Variants in ADI1 observed in about 807,000 individuals in gnomAD.
The protein encoded by ADI1 is acireductone dioxygenase.
ADI1 carries 21 observed loss-of-function variants against 18.7 expected under a neutral mutation model. The ratio of observed to expected loss-of-function variants is 1.13; its 90% CI spans 0.80 to 1.62. The LOEUF (loss-of-function observed/expected upper bound fraction) is 1.62, where lower values mean the gene tolerates loss of function less well. Among genes scored for constraint, ADI1 ranks in the 40% most tolerant of loss-of-function variants. The pLI is 0.00. For synonymous variants in ADI1, 90 were observed against 100.1 expected (o/e 0.90, Z 0.60); for missense variants, 245 against 254.9 (o/e 0.96, Z 0.26).
chr2:3,504,314 G>A (rs1380275874), intron 2 of ADI1, among the ~76,000 whole-genome samples: 2 of 152,326 alleles, frequency 1.3e-5, no homozygotes, highest in East Asian at 1.9e-4. Context: ...AGAATAAGCC[G>A]GTATCAGCAA....
chr2:3,500,670 ACT>A, intron 3 of ADI1, 142 bp downstream of exon 3: 1 of 1,105,348 alleles, frequency 9.0e-7, no homozygotes, highest in Non-Finnish European at 1.3e-6. Flanking sequence ...GGCTCCACAG[ACT>A]CTCCTTGAAG....
chr2:3,505,526 G>A (rs1231299248), intron 2 of ADI1, among the ~76,000 whole-genome samples: 1 of 152,162 alleles, frequency 6.6e-6, no homozygotes, highest in Non-Finnish European at 1.5e-5. Context: ...CTGTGCTTCT[G>A]GCAGAGGGAG....
chr2:3,499,195 A>C, intron 3 of ADI1, 113 bp from the exon 4 acceptor site: 1 of 1,418,886 alleles, frequency 7.0e-7, no homozygotes, highest in Non-Finnish European at 9.3e-7. Context: ...TTTACTTGCT[A>C]TTTTTATTCT....
chr2:3,511,114 T>C (rs1039897716), intron 2 of ADI1, among the ~76,000 whole-genome samples: 1 of 152,226 alleles, frequency 6.6e-6, no homozygotes, highest in African/African-American at 2.4e-5. Flanking sequence ...CTTGGTGCTG[T>C]CTTCACCACA....
intron 1 of ADI1, among the ~76,000 whole-genome samples, chr2:3,518,423 G>T (rs1667454468): frequency 6.6e-6 from 1 of 152,190 alleles, no homozygotes; most frequent in Admixed American, 6.5e-5. Flanking sequence ...CCTCTCTTTT[G>T]CAGTAAACCT....
At chr2:3,502,028 CA>C in intron 2 of ADI1, among the ~76,000 whole-genome samples, 1 of 103,020 alleles carries the variant, frequency 9.7e-6, no homozygotes, top group Non-Finnish European at 1.7e-5. Context: ...CACACACACA[CA>C]CACACACACA....
intron 1 of ADI1, chr2:3,514,984 G>A (rs1028363274): frequency 1.4e-5 from 18 of 1,246,032 alleles, no homozygotes; most frequent in South Asian, 6.4e-5. Context: ...ATCTTCGTAA[G>A]CTGAGGATGT....
intron 1 of ADI1, chr2:3,516,073 T>C (rs1428570905): frequency 1.0e-6 from 1 of 976,496 alleles, no homozygotes; most frequent in Non-Finnish European, 1.2e-6. Context: ...GTGTCATAAG[T>C]TTAAATATAC....
chr2:3,519,034 A>G (rs1176565477), intron 1 of ADI1, among the ~76,000 whole-genome samples: 1 of 149,606 alleles, frequency 6.7e-6, no homozygotes, highest in Admixed American at 6.6e-5. Flanking sequence ...AGGCGCCGGA[A>G]GCCGACCGCC....
chr2:3,512,555 AAGCCATG>A (rs1209379066), intron 2 of ADI1, among the ~76,000 whole-genome samples: 1 of 152,238 alleles, frequency 6.6e-6, no homozygotes, highest in Non-Finnish European at 1.5e-5. Context: ...CAGAGGGTGC[AAGCCATG>A]AGCCTTTGTG....
At chr2:3,509,867 G>A (rs1667258873) in intron 2 of ADI1, among the ~76,000 whole-genome samples, 1 of 151,786 alleles carries the variant, frequency 6.6e-6, no homozygotes, top group Admixed American at 6.6e-5. Context: ...AGGCAGGCCG[G>A]GTGCGGTGGC....
chr2:3,508,667 C>T (rs1183375373), intron 2 of ADI1, among the ~76,000 whole-genome samples: 1 of 151,860 alleles, frequency 6.6e-6, no homozygotes, highest in Non-Finnish European at 1.5e-5. Context: ...TTTGGGAGGC[C>T]AAGGCAAGAA....
At chr2:3,502,333 C>T (rs1667041875) in intron 2 of ADI1, among the ~76,000 whole-genome samples, 2 of 152,150 alleles carry the variant, frequency 1.3e-5, no homozygotes, top group Non-Finnish European at 2.9e-5. Flanking sequence ...CCCCAGCCTA[C>T]CTTGTTATGT....
intron 1 of ADI1, chr2:3,515,062 G>A: frequency 2.2e-6 from 1 of 448,428 alleles, no homozygotes. Context: ...ATGTGTGTTT[G>A]AACAATATGA....
chr2:3,516,620 G>A, intron 1 of ADI1: 3 of 656,986 alleles, frequency 4.6e-6, no homozygotes, highest in Non-Finnish European at 5.7e-6. Flanking sequence ...CCTTAATCTT[G>A]GACTTCTTAG....
intron 2 of ADI1, 49 bp downstream of exon 2, chr2:3,513,808 T>C (rs1306416830): frequency 1.9e-6 from 3 of 1,547,234 alleles, no homozygotes; most frequent in Non-Finnish European, 2.6e-6. Flanking sequence ...CGTCTATTAG[T>C]AGTGAATATA....
intron 2 of ADI1, among the ~76,000 whole-genome samples, chr2:3,505,005 TATTGTTGGTTCACCTGAGTATGTTTGC>T (rs2103205946): frequency 6.6e-6 from 1 of 152,068 alleles, no homozygotes; most frequent in Non-Finnish European, 1.5e-5. Flanking sequence ...TGTATGTTTG[TATTGTTGGTTCACCTGAGTATGTTTGC>T]ATTGTTGGTT....
chr2:3,497,763 CGAG>C lies in ADI1; in HGVS notation c.*1197_*1199del, dbSNP rs1666899109. 6.6e-6 allele frequency: 1 copy of C among 152,100 alleles called. No individual in the cohort carries two copies. Among genetic ancestry groups the C allele is most frequent in the Non-Finnish European group, 1.5e-5 (1 of 68,014 alleles). The allele number at this position is 152,100 out of a possible 1,614,324, so 9.4% of individuals were successfully genotyped here. ...GAGTCCGCAGGAGGCCAGCCCCGCA[CGAG>C]GAGTTTCAAACACTAAGGATCCTGA... On this transcript the variant is annotated 3_prime_UTR_variant, in exon 4 of 4. Coordinates refer to ENST00000327435, the MANE Select transcript of ADI1 (RefSeq NM_018269.4).
intron 3 of ADI1, among the ~76,000 whole-genome samples, chr2:3,500,060 A>G (rs1181212154): frequency 2.6e-5 from 4 of 151,042 alleles, no homozygotes; most frequent in Non-Finnish European, 3.0e-5. Context: ...GTGAGACTCC[A>G]TCTCAAAGAA....
Sources: allele counts gnomAD v4.1 joint callset (sites outside exome capture counted in the v4.1 genomes callset), GRCh38; gene constraint gnomAD v4.1.1; transcripts MANE v1.5; gene names NCBI Gene and HGNC (gene_info 2026-07-23, HGNC 2026-07-21).